Variants in FRMD4B observed in about 807,000 individuals in gnomAD.
FRMD4B encodes FERM domain-containing protein 4B.
FRMD4B carries 74 observed loss-of-function variants against 141.5 expected under a neutral mutation model. The ratio of observed to expected loss-of-function variants is 0.52; its 90% CI spans 0.43 to 0.63. The LOEUF (loss-of-function observed/expected upper bound fraction) is 0.63. Among genes scored for constraint, FRMD4B ranks in the 30% least tolerant of loss-of-function variants. The pLI, the probability that FRMD4B is intolerant of heterozygous loss-of-function variation, is 0.00. For missense variants in FRMD4B, 1,366 were observed against 1,253.4 expected, an observed-to-expected ratio of 1.09 and a Z score of -1.36; for synonymous variants, 506 against 467.9, an observed-to-expected ratio of 1.08 and a Z score of -1.05.
At chr3:69,375,172 C>A (rs1703935191) in intron 1 of FRMD4B, among the ~76,000 whole-genome samples, 1 of 151,352 alleles carries the variant, frequency 6.6e-6, no homozygotes, top group South Asian at 2.1e-4. Context: ...TCCACCCACC[C>A]ACCCACTTAC....
At position 69,385,833 on chromosome 3, in the gene FRMD4B, A is replaced by T. The variant is rs1462465747; in HGVS notation, c.157T>A (p.Tyr53Asn). ...LRTWCGLQDV[Y>N]QMTEGRHCQV... ...TGCCGCGCGCTCCAGCTCACCTGGT[A>T]CACGTCCTGCAGCCCGCACCACGTC... The change falls in exon 1 of 23, where the codon TAC (tyrosine) becomes AAC (asparagine). Residue 53 changes from tyrosine (Y) to asparagine (N), a missense_variant. By Grantham distance (143) the Tyr-to-Asn change is moderately radical. Transcript: ENST00000398540. The T allele has an allele frequency of 6.3e-7, 1 of 1,576,458 alleles. No individual in the cohort carries two copies. Among genetic ancestry groups the T allele is most frequent in the East Asian group, 2.3e-5 (1 of 42,936 alleles).
At chr3:69,194,620 G>A (rs1034436911) in intron 16 of FRMD4B, among the ~76,000 whole-genome samples, 1 of 152,198 alleles carries the variant, frequency 6.6e-6, no homozygotes, top group Non-Finnish European at 1.5e-5. Flanking sequence ...ATTGGATCCC[G>A]TGGAGGGAAG....
chr3:69,172,698 A>T (rs577942145), intron 22 of FRMD4B, among the ~76,000 whole-genome samples: 87 of 152,356 alleles, frequency 5.7e-4, no homozygotes, highest in Non-Finnish European at 8.8e-5. Flanking sequence ...CCCAGGACAC[A>T]GCATCACATT....
chr3:69,300,648 A>G (rs1367500651), intron 4 of FRMD4B, among the ~76,000 whole-genome samples: 1 of 152,252 alleles, frequency 6.6e-6, no homozygotes, highest in Admixed American at 6.5e-5. Context: ...TAACGCTTTC[A>G]TTGAGTAGGG....
intron 1 of FRMD4B, among the ~76,000 whole-genome samples, chr3:69,332,373 T>C (rs1223462283): frequency 6.6e-6 from 1 of 152,142 alleles, no homozygotes; most frequent in East Asian, 1.9e-4. Flanking sequence ...AGAAATGTCA[T>C]ACCCTCATTT....
intron 1 of FRMD4B, among the ~76,000 whole-genome samples, chr3:69,322,199 G>A (rs950317189): frequency 2.0e-5 from 3 of 152,170 alleles, no homozygotes; most frequent in Non-Finnish European, 4.4e-5. Context: ...TATCTAGGAC[G>A]TTCTTACTTT....
Position 69,175,811 on chromosome 3 carries a change from C to T in FRMD4B, c.2984+713G>A, listed in dbSNP as rs1199255546. 5.8e-5 allele frequency among the ~76,000 whole-genome samples: 8 copies of T among 138,928 alleles called. No homozygotes were observed. In the East Asian group the frequency reaches 8.8e-4, roughly 15 times the overall value. The allele number at this position is 138,928 out of a possible 152,430, so 91.1% of individuals were successfully genotyped here. On this transcript the variant is annotated intron_variant, in intron 22 of 22. Transcript: ENST00000398540. Reference sequence around the variant, plus strand: ...TTTTTTTGAGACGGAGATGGAGTCTCGCTCTGTCGCCCAGGCTGGAGTGCA... The same window carrying T: ...TTTTTTTGAGACGGAGATGGAGTCTTGCTCTGTCGCCCAGGCTGGAGTGCA...
intron 22 of FRMD4B, among the ~76,000 whole-genome samples, chr3:69,172,840 TTATTTTACATTCCAAAG>T (rs1248737019): frequency 2.0e-5 from 3 of 152,376 alleles, no homozygotes; most frequent in Admixed American, 6.5e-5. Flanking sequence ...GATTTCTTTT[TTATTTTACATTCCAAAG>T]TATTTTAGTA....
chr3:69,211,590 G>A (rs1255967624), intron 11 of FRMD4B, among the ~76,000 whole-genome samples: 1 of 152,242 alleles, frequency 6.6e-6, no homozygotes, highest in East Asian at 1.9e-4. Flanking sequence ...ACAGCCTTTC[G>A]GCATCAGTTT....
intron 5 of FRMD4B, among the ~76,000 whole-genome samples, chr3:69,261,126 C>T (rs554583547): frequency 4.5e-4 from 69 of 152,282 alleles, no homozygotes; most frequent in Non-Finnish European, 8.2e-4. Context: ...TTGGTCTTTG[C>T]AATAAATCTT....
At chr3:69,225,505 A>G (rs1433087166) in intron 7 of FRMD4B, among the ~76,000 whole-genome samples, 3 of 119,702 alleles carry the variant, frequency 2.5e-5, no homozygotes, top group Non-Finnish European at 5.0e-5. Flanking sequence ...GAAACCCTGT[A>G]TCTACTAAAA....
chr3:69,337,809 A>C (rs994065474), intron 1 of FRMD4B, among the ~76,000 whole-genome samples: 12 of 152,210 alleles, frequency 7.9e-5, no homozygotes, highest in African/African-American at 2.7e-4. Context: ...AGGAAACAAC[A>C]GGTGCTGGAG....
At chr3:69,321,506 G>A (rs1189343314) in intron 1 of FRMD4B, among the ~76,000 whole-genome samples, 1 of 152,152 alleles carries the variant, frequency 6.6e-6, no homozygotes, top group Non-Finnish European at 1.5e-5. Flanking sequence ...TGAAAACCCA[G>A]CTATCTAGGC....
chr3:69,284,658 C>T (rs1252458278), intron 5 of FRMD4B, among the ~76,000 whole-genome samples: 3 of 152,110 alleles, frequency 2.0e-5, no homozygotes, highest in Admixed American at 6.6e-5. Flanking sequence ...GCCTACCATC[C>T]TACCAAATAT....
intron 2 of FRMD4B, among the ~76,000 whole-genome samples, chr3:69,311,721 A>G (rs946701612): frequency 6.6e-6 from 1 of 152,178 alleles, no homozygotes; most frequent in African/African-American, 2.4e-5. Flanking sequence ...CTGCTTGGTT[A>G]TCTGTGATAT....
chr3:69,479,988 G>A (rs1169491004), intron 1 of FRMD4B, among the ~76,000 whole-genome samples: 1 of 151,968 alleles, frequency 6.6e-6, no homozygotes, highest in East Asian at 1.9e-4. Context: ...CTTTCTTCCA[G>A]TTGATTGCAT....
chr3:69,332,174 G>A (rs762963618), intron 1 of FRMD4B, among the ~76,000 whole-genome samples: 7 of 152,132 alleles, frequency 4.6e-5, no homozygotes, highest in South Asian at 2.1e-4. Context: ...TTCAGGTGCC[G>A]GGCAGGTGGT....
intron 22 of FRMD4B, among the ~76,000 whole-genome samples, chr3:69,172,396 C>G (rs1293131242): frequency 6.6e-6 from 1 of 152,150 alleles, no homozygotes; most frequent in Non-Finnish European, 1.5e-5. Context: ...CCAACATTCT[C>G]TCTTTCAGTG....
rs141427192 is a variant in FRMD4B, at chr3:69,363,695, T to A, written c.162+22133A>T. On this transcript the variant is annotated intron_variant, in intron 1 of 22. Transcript: ENST00000398540. ...TGAGCCACTGCACCTGGCCCAGCCA[T>A]GCCTATTTTCAAGAACAGACAGCTT... 1.8e-3 allele frequency among the ~76,000 whole-genome samples: 277 copies of A among 152,244 alleles called. 2 individuals are homozygous for A. Among genetic ancestry groups the A allele is most frequent in the African/African-American group, 6.5e-3 (269 of 41,544 alleles).
Sources: allele counts gnomAD v4.1 joint callset (sites outside exome capture counted in the v4.1 genomes callset), GRCh38; gene constraint gnomAD v4.1.1; transcripts MANE v1.5; gene names NCBI Gene and HGNC (gene_info 2026-07-23, HGNC 2026-07-21).